Variants in KLHL18 observed in about 807,000 individuals in gnomAD.
KLHL18 encodes kelch like family member 18.
In KLHL18, 38 loss-of-function variants were observed where a neutral mutation model predicts 58.5. The observed-to-expected ratio is 0.65, with a 90% CI of 0.50 to 0.85. The LOEUF is 0.85. Among genes scored for constraint, KLHL18 ranks in the 40% least tolerant of loss-of-function variants. The pLI is 0.00. For missense variants in KLHL18, 624 were observed against 778.4 expected (o/e 0.80, Z 2.36); for synonymous variants, 303 against 301.9 (o/e 1.00, Z -0.04).
rs1014907793 is a variant in KLHL18, at chr3:47,344,274, G to A, written c.*333G>A. ...TCTGTGGGCCAGCTGTTCACAGAAG[G>A]CCTTCCATCTGATGCTCCCCATCGC... On this transcript the variant is annotated 3_prime_UTR_variant, in exon 10 of 10. Transcript: ENST00000232766. 2 of 356,214 alleles carry A rather than the reference G, an allele frequency of 5.6e-6. No individual in the cohort carries two copies. The highest frequency in any genetic ancestry group is 4.3e-5 in the African/African-American group (2 of 46,528). The allele number at this position is 356,214 out of a possible 1,614,324, so 22.1% of individuals were successfully genotyped here. A position where few individuals can be genotyped will look rare whatever the true frequency, so the allele number is the denominator to read the frequency against.
intron 1 of KLHL18, among the ~76,000 whole-genome samples, chr3:47,289,345 A>G (rs544668140): frequency 2.6e-5 from 4 of 152,324 alleles, no homozygotes; most frequent in Admixed American, 6.5e-5. Context: ...TCAGAAGGAA[A>G]TGTTTTTTCC....
intron 1 of KLHL18, among the ~76,000 whole-genome samples, chr3:47,312,240 A>G (rs1703318718): frequency 1.3e-5 from 2 of 152,150 alleles, no homozygotes; most frequent in Admixed American, 1.3e-4. Context: ...GGGTATAGCT[A>G]TTTTAGTGTA....
intron 1 of KLHL18, among the ~76,000 whole-genome samples, chr3:47,313,062 A>C (rs550981002): frequency 1.8e-3 from 276 of 152,042 alleles, no homozygotes; most frequent in Non-Finnish European, 3.2e-3. Context: ...GGCGCCTGCC[A>C]CCATGCCCAG....
At position 47,300,431 on chromosome 3, in the gene KLHL18, T is replaced by C. The variant is rs915424146; in HGVS notation, c.129+17337T>C. On this transcript the variant is annotated intron_variant, in intron 1 of 9. Coordinates refer to ENST00000232766, the MANE Select transcript of KLHL18 (RefSeq NM_025010.5). ...TGTGTATATATATATATTTAAATTC[T>C]CTTTATTTTTATTTTTTAGTAGAGA... Among the ~76,000 whole-genome samples, 6 of 149,338 alleles carry C rather than the reference T, an allele frequency of 4.0e-5. No individual in the cohort carries two copies. In the Admixed American group the frequency reaches 4.0e-4, roughly 10 times the overall value.
rs1325456338 is a variant in KLHL18 at position 47,334,328 on chromosome 3, C to T, written c.762-355C>T. On this transcript the variant is annotated intron_variant, in intron 5 of 9. Coordinates refer to ENST00000232766, the MANE Select transcript of KLHL18 (RefSeq NM_025010.5). This position sits in a 1 kb window ranked among gnomAD's most constrained non-coding sequence, Gnocchi z 4.7. Reference sequence around the variant, plus strand: ...GTGATTAATTGCAGGTTGCAAGCCACGGTGCAGTCGTAGGGATGGAAAGGA... The same window carrying T: ...GTGATTAATTGCAGGTTGCAAGCCATGGTGCAGTCGTAGGGATGGAAAGGA... Among the ~76,000 whole-genome samples the T allele has an allele frequency of 6.6e-6, 1 of 152,074 alleles. No homozygotes were observed. Among genetic ancestry groups the T allele is most frequent in the African/African-American group, 2.4e-5 (1 of 41,400 alleles).
chr3:47,331,162 G>A (rs566011689), intron 4 of KLHL18, among the ~76,000 whole-genome samples: 10 of 151,822 alleles, frequency 6.6e-5, no homozygotes, highest in African/African-American at 9.7e-5. Flanking sequence ...TTGCTCCAAC[G>A]CCCAGGCAGG....
In KLHL18 at chr3:47,336,673, G is replaced by A. The variant is rs777766760; in HGVS notation, c.1037G>A (p.Gly346Asp). The change falls in exon 7 of 10, where the codon GGC becomes GAC. Residue 346 changes from glycine to aspartate, a missense_variant. Gly to Asp is a moderately conservative substitution (Grantham distance 94, BLOSUM62 -1). Coordinates refer to ENST00000232766, the MANE Select transcript of KLHL18 (RefSeq NM_025010.5). ...CTCTATGCCATCGGAGGATATGACG[G>A]CCAGCTACGGCTGAGCACTGTGGAG... Reference protein sequence around the residue: ...GLLYAIGGYDGQLRLSTVEAY... With the variant: ...GLLYAIGGYDDQLRLSTVEAY... The A allele has an allele frequency of 1.2e-6, 2 of 1,614,230 alleles. No homozygotes were observed. The highest frequency in any genetic ancestry group is 1.7e-5 in the Admixed American group (1 of 60,028).
chr3:47,345,877 C>T lies in KLHL18; in HGVS notation c.*1936C>T, dbSNP rs186394302. On this transcript the variant is annotated 3_prime_UTR_variant, in exon 10 of 10. Coordinates refer to ENST00000232766, the MANE Select transcript of KLHL18 (RefSeq NM_025010.5). ...TGTTACCTACAACTTAGGAGCTAGGCCTCTGCTACAAGCACTTGAAAATGA... is the reference window on the plus strand; with the variant it reads ...TGTTACCTACAACTTAGGAGCTAGGTCTCTGCTACAAGCACTTGAAAATGA... 2.5e-4 allele frequency: 38 copies of T among 152,718 alleles called. No individual in the cohort carries two copies. The highest frequency in any genetic ancestry group is 2.5e-3 in the Admixed American group (38 of 15,296). 9.5% of individuals were successfully genotyped at this position (152,718 alleles called of 1,614,324 possible).
At chr3:47,323,575 G>T (rs759443999) in intron 3 of KLHL18, among the ~76,000 whole-genome samples, 3 of 152,168 alleles carry the variant, frequency 2.0e-5, no homozygotes, top group Non-Finnish European at 2.9e-5. Context: ...GTGACCTTCT[G>T]CCTGAGCAGT....
chr3:47,310,812 T>C (rs1703280460), intron 1 of KLHL18, among the ~76,000 whole-genome samples: 1 of 152,182 alleles, frequency 6.6e-6, no homozygotes, highest in Admixed American at 6.5e-5. Context: ...GTCAGCATCT[T>C]TCCTGAGTCT....
At chr3:47,340,811 T>C (rs553685488) in intron 8 of KLHL18, 135 bp downstream of exon 8, 1 of 817,152 alleles carries the variant, frequency 1.2e-6, no homozygotes, top group South Asian at 1.9e-5. Flanking sequence ...GTACTTTGTA[T>C]ATACTAGATA....
At chr3:47,305,389 T>G (rs1311432259) in intron 1 of KLHL18, among the ~76,000 whole-genome samples, 1 of 150,882 alleles carries the variant, frequency 6.6e-6, no homozygotes, top group Non-Finnish European at 1.5e-5. Context: ...TTCTTTTTTC[T>G]TGAGTCTATT....
At chr3:47,327,426 A>C (rs938722384) in intron 3 of KLHL18, among the ~76,000 whole-genome samples, 14 of 152,254 alleles carry the variant, frequency 9.2e-5, no homozygotes, top group Admixed American at 5.2e-4. Context: ...GCCCCGTGGC[A>C]TTTTGAATCC....
At chr3:47,292,241 AGGGT>A in intron 1 of KLHL18, among the ~76,000 whole-genome samples, 1 of 152,288 alleles carries the variant, frequency 6.6e-6, no homozygotes, top group African/African-American at 2.4e-5. Context: ...TTGGGAGGCC[AGGGT>A]GGGTGGATCA....
chr3:47,316,509 A>G (rs375414193), intron 1 of KLHL18, among the ~76,000 whole-genome samples: 4 of 3,486 alleles, frequency 1.1e-3, no homozygotes, highest in Admixed American at 7.1e-3. Context: ...ATGTATATAT[A>G]TACATATATA....
At chr3:47,336,976 C>T (rs1704002335) in intron 7 of KLHL18, 2 of 559,666 alleles carry the variant, frequency 3.6e-6, no homozygotes, top group Non-Finnish European at 6.4e-6. Flanking sequence ...GGAGACCAGG[C>T]ATGGACATGT....
intron 1 of KLHL18, among the ~76,000 whole-genome samples, chr3:47,285,711 C>T (rs1702660527): frequency 6.6e-6 from 1 of 152,128 alleles, no homozygotes; most frequent in African/African-American, 2.4e-5. Context: ...ATATGGTAAT[C>T]TTTTAGCAGA....
intron 3 of KLHL18, among the ~76,000 whole-genome samples, chr3:47,328,335 C>T (rs1703773450): frequency 6.6e-6 from 1 of 151,720 alleles, no homozygotes; most frequent in African/African-American, 2.4e-5. Context: ...CACTACACTA[C>T]AGCCTAGGTG....
At chr3:47,305,947 C>G (rs1703138723) in intron 1 of KLHL18, among the ~76,000 whole-genome samples, 2 of 152,078 alleles carry the variant, frequency 1.3e-5, no homozygotes, top group Admixed American at 1.3e-4. Context: ...TCGACTGTTT[C>G]ATTCCTGTAT....
Sources: allele counts gnomAD v4.1 joint callset (sites outside exome capture counted in the v4.1 genomes callset), GRCh38; gene constraint gnomAD v4.1.1; non-coding constraint Gnocchi (gnomAD v3.1); transcripts MANE v1.5; gene names NCBI Gene and HGNC (gene_info 2026-07-23, HGNC 2026-07-21).